Variants in ASXL1 observed in about 807,000 individuals in gnomAD.
The protein encoded by ASXL1 is ASXL transcriptional regulator 1.
A neutral mutation model predicts 89.1 loss-of-function variants in ASXL1; 65 were observed. The ratio of observed to expected loss-of-function variants is 0.73; its 90% CI spans 0.60 to 0.90. ASXL1 has a LOEUF of 0.90. ASXL1 is among the 40% of genes least tolerant of loss of function. ASXL1 has a pLI of 0.00. For synonymous variants in ASXL1, 739 were observed against 746.9 expected (o/e 0.99, Z 0.17); for missense variants, 1,786 against 1,942.9 (o/e 0.92, Z 1.52).
intron 1 of ASXL1, chr20:32,359,452 T>C (rs1347312246): frequency 7.2e-6 from 5 of 696,624 alleles, no homozygotes; most frequent in Non-Finnish European, 1.3e-5. Flanking sequence ...CCTAGGGCCC[T>C]TCGTAAGACC....
intron 4 of ASXL1, among the ~76,000 whole-genome samples, chr20:32,373,554 AAATG>A (rs1417509018): frequency 6.6e-6 from 1 of 152,026 alleles, no homozygotes; most frequent in African/African-American, 2.4e-5. Context: ...GCAACAGAGA[AAATG>A]AAAGTAATCC....
At position 32,432,901 on chromosome 20, in the gene ASXL1, A is replaced by G; in HGVS notation, c.1001A>G (p.Gln334Arg). The G allele has an allele frequency of 6.2e-7, 1 of 1,614,034 alleles. No homozygotes were observed. Among genetic ancestry groups the G allele is most frequent in the Non-Finnish European group, 8.5e-7 (1 of 1,180,006 alleles). Residue 334 changes from glutamine (Q) to arginine (R), a missense_variant, in exon 11 of 13, where the codon CAA becomes CGA. Gln to Arg is a conservative substitution (Grantham distance 43). Around this residue, in one of 3 missense-constraint regions of ASXL1, gnomAD observed 332 missense variants for 449.7 expected, o/e 0.74. Transcript: ENST00000375687. ...CTAGGTGAATTTACTCATGAGATGC[A>G]AGTCAGGATACGACAGGAAATGGAG... ...LADGEFTHEMQVRIRQEMEKE... is the reference protein window; with the variant it reads ...LADGEFTHEMRVRIRQEMEKE...
Position 32,436,622 on chromosome 20 carries a change from CTT to C in ASXL1, c.3914_3915del (p.Phe1305TrpfsTer23). On this transcript the variant is annotated frameshift_variant, in exon 13 of 13. Transcript: ENST00000375687. LOFTEE classifies it high-confidence loss of function. ...CAATGTTACAGGCCAAGGGAAGAAG[CTT>C]TTTGGCTCTGGGAATGTGGCTGCAA... ...QSNVTGQGKKLFGSGNVAATL... is the reference protein window; with the variant it reads ...QSNVTGQGKKXFGSGNVAATL... 1 of 1,614,148 alleles carries C rather than the reference CTT, an allele frequency of 6.2e-7. No homozygotes were observed.
chr20:32,438,268 C>T lies in ASXL1; in HGVS notation c.*930C>T, dbSNP rs1241421836. On this transcript the variant is annotated 3_prime_UTR_variant, in exon 13 of 13. Transcript: ENST00000375687. ...TTGGCTTCTGTAAGTATGCTCTATG[C>T]ACCTCTAATGTTTTATCATGTATTT... The T allele has an allele frequency of 1.3e-5, 3 of 233,410 alleles. No individual in the cohort carries two copies. The highest frequency in any genetic ancestry group is 2.5e-5 in the Non-Finnish European group (3 of 117,954). The allele number at this position is 233,410 out of a possible 1,614,324, so 14.5% of individuals were successfully genotyped here.
chr20:32,431,294 A>G (rs771116924), intron 8 of ASXL1, 27 bp from the exon 9 acceptor site: 1 of 1,614,176 alleles, frequency 6.2e-7, no homozygotes, highest in Non-Finnish European at 8.5e-7. Context: ...AAAAGCTGAA[A>G]TCTATACCTT....
chr20:32,388,516 C>A (rs1351574093), intron 4 of ASXL1, among the ~76,000 whole-genome samples: 1 of 152,130 alleles, frequency 6.6e-6, no homozygotes, highest in African/African-American at 2.4e-5. Context: ...TATTTTATTT[C>A]CTTTAATTTG....
intron 4 of ASXL1, among the ~76,000 whole-genome samples, chr20:32,387,648 C>G (rs1426340187): frequency 6.6e-6 from 1 of 152,234 alleles, no homozygotes; most frequent in Non-Finnish European, 1.5e-5. Flanking sequence ...GGGGATGAAT[C>G]TGCTTGGTTC....
chr20:32,394,185 G>A (rs1462904100), intron 4 of ASXL1, among the ~76,000 whole-genome samples: 1 of 152,038 alleles, frequency 6.6e-6, no homozygotes, highest in Non-Finnish European at 1.5e-5. Flanking sequence ...TGTATTTTTA[G>A]TAGAGACAGG....
chr20:32,366,345 A>G lies in ASXL1; in HGVS notation c.58-39A>G. The G allele has an allele frequency of 2.6e-6, 4 of 1,533,242 alleles. No homozygotes were observed. In the Admixed American group the frequency reaches 6.7e-5, roughly 26 times the overall value. The allele number at this position is 1,533,242 out of a possible 1,614,324, so 95.0% of individuals were successfully genotyped here. ...TATATGGATGGATGGATATAAATGGAAATTGCACACTGAAATTAGGACGTT... is the reference window on the plus strand; with the variant it reads ...TATATGGATGGATGGATATAAATGGGAATTGCACACTGAAATTAGGACGTT... On this transcript the variant is annotated intron_variant, in intron 1 of 12. Transcript: ENST00000375687.
intron 4 of ASXL1, among the ~76,000 whole-genome samples, chr20:32,413,289 C>G (rs902556176): frequency 2.0e-5 from 3 of 151,922 alleles, no homozygotes; most frequent in Admixed American, 6.6e-5. Flanking sequence ...GGTTAGGGGA[C>G]TAACAGGAAT....
In ASXL1 at chr20:32,429,068, C is replaced by G; in HGVS notation, c.472-270C>G. 3 of 465,604 alleles carry G rather than the reference C, an allele frequency of 6.4e-6. No individual in the cohort carries two copies. The highest frequency in any genetic ancestry group is 1.2e-5 in the Non-Finnish European group (3 of 251,808). 28.8% of individuals were successfully genotyped at this position (465,604 alleles called of 1,614,324 possible). ...GGAGTGAGCAGTTTGAATGATAACC[C>G]TGCACTTACTAGCCTTGAGACTTGG... On this transcript the variant is annotated intron_variant, in intron 6 of 12. Coordinates refer to ENST00000375687, the MANE Select transcript of ASXL1 (RefSeq NM_015338.6). The surrounding 1 kb of genome is among the most constrained non-coding windows in gnomAD (Gnocchi z 4.9).
chr20:32,378,585 CAT>C (rs746436261), intron 4 of ASXL1, among the ~76,000 whole-genome samples: 3 of 152,080 alleles, frequency 2.0e-5, no homozygotes, highest in African/African-American at 7.2e-5. Context: ...TTCCTAAAGT[CAT>C]GTGTCAGTGT....
Position 32,437,572 on chromosome 20 carries a change from C to A in ASXL1, c.*234C>A. On this transcript the variant is annotated 3_prime_UTR_variant, in exon 13 of 13. Transcript: ENST00000375687. ...GCTGCCCAAGGCCAGCCAGCCTGAG[C>A]TCTCCTGCAAGACAGAGCCTGATGT... 2 of 606,438 alleles carry A rather than the reference C, an allele frequency of 3.3e-6. No homozygotes were observed. Among genetic ancestry groups the A allele is most frequent in the Non-Finnish European group, 2.8e-6 (1 of 353,844 alleles). The allele number at this position is 606,438 out of a possible 1,614,324, so 37.6% of individuals were successfully genotyped here. A position where few individuals can be genotyped will look rare whatever the true frequency, so the allele number is the denominator to read the frequency against.
At position 32,437,574 on chromosome 20, in the gene ASXL1, C is replaced by G. The variant is rs2012000998; in HGVS notation, c.*236C>G. On this transcript the variant is annotated 3_prime_UTR_variant, in exon 13 of 13. Transcript: ENST00000375687. ...TGCCCAAGGCCAGCCAGCCTGAGCTCTCCTGCAAGACAGAGCCTGATGTGG... is the reference window on the plus strand; with the variant it reads ...TGCCCAAGGCCAGCCAGCCTGAGCTGTCCTGCAAGACAGAGCCTGATGTGG... 1 of 597,062 alleles carries G rather than the reference C, an allele frequency of 1.7e-6. No homozygotes were observed. The highest frequency in any genetic ancestry group is 1.9e-5 in the African/African-American group (1 of 53,888). The allele number at this position is 597,062 out of a possible 1,614,324, so 37.0% of individuals were successfully genotyped here.
chr20:32,358,883 TCGCCGCGCACCCCCCCACTGGGGGGGGAG>T (rs1281255012), intron 1 of ASXL1, 51 bp downstream of exon 1: 7 of 1,416,210 alleles, frequency 4.9e-6, no homozygotes, highest in Non-Finnish European at 5.6e-6. Context: ...TGGGGGGGGC[TCGCCGCGCACCCCCCCACTGGGGGGGGAG>T]GGGCAAGGCC....
chr20:32,369,226 T>G, intron 4 of ASXL1, 103 bp downstream of exon 4: 1 of 1,058,128 alleles, frequency 9.5e-7, no homozygotes. Flanking sequence ...TTTGCATTTC[T>G]CATATGCAGT....
rs111693691 is a variant in ASXL1 at position 32,425,929 on chromosome 20, C to T, written c.253-2199C>T. 9.8e-3 allele frequency among the ~76,000 whole-genome samples: 1,499 copies of T among 152,196 alleles called. 20 individuals carry two copies. Among genetic ancestry groups the T allele is most frequent in the African/African-American group, 0.034 (1,420 of 41,518 alleles). ...CATGTTGACCAGGCTTGTCTTGAACCCCTGACCTCAAGTGATCCATCCGCC... is the reference window on the plus strand; with the variant it reads ...CATGTTGACCAGGCTTGTCTTGAACTCCTGACCTCAAGTGATCCATCCGCC... On this transcript the variant is annotated intron_variant, in intron 4 of 12. Coordinates refer to ENST00000375687, the MANE Select transcript of ASXL1 (RefSeq NM_015338.6).
intron 2 of ASXL1, among the ~76,000 whole-genome samples, chr20:32,366,854 A>G (rs2048212632): frequency 6.6e-6 from 1 of 152,152 alleles, no homozygotes; most frequent in Admixed American, 6.6e-5. Context: ...CTTTTAGAAT[A>G]AAAGAACAGT....
chr20:32,372,017 G>A, intron 4 of ASXL1: 2 of 954,100 alleles, frequency 2.1e-6, no homozygotes, highest in East Asian at 4.8e-5. Context: ...GTTTTTAAAA[G>A]GAAGGATAAT....
Sources: gnomAD v4.1 joint callset for allele counts (sites outside exome capture counted in the v4.1 genomes callset) on GRCh38, gnomAD v4.1.1 for gene constraint, gnomAD v4.1.1 regional missense constraint, Gnocchi (gnomAD v3.1) non-coding constraint, MANE v1.5 for transcripts, NCBI Gene and HGNC (gene_info 2026-07-23, HGNC 2026-07-21) for gene names.